The following C21orf91 variants were observed in gnomAD, a reference collection of about 807,000 sequenced individuals.
The protein encoded by C21orf91 is protein EURL homolog.
In C21orf91, 26 loss-of-function variants were observed where a neutral mutation model predicts 32.9. The observed-to-expected ratio is 0.79, with a 90% CI of 0.58 to 1.10. The LOEUF (loss-of-function observed/expected upper bound fraction) is 1.10. Ranked by LOEUF, C21orf91 falls within the 50% of genes least tolerant of loss-of-function variation. The pLI is 0.00. For synonymous variants in C21orf91, 126 were observed against 120.4 expected (o/e 1.05, Z -0.31); for missense variants, 310 against 341.3 (o/e 0.91, Z 0.72).
rs547937971 is a variant in C21orf91, at chr21:17,796,786, T to A, written c.460A>T (p.Ile154Phe). Residue 154 changes from isoleucine (I) to phenylalanine (F), a missense_variant, in exon 3 of 5, where the codon ATC (isoleucine) becomes TTC (phenylalanine). Physicochemically the swap from Ile to Phe is conservative, Grantham distance 21. Coordinates refer to ENST00000284881, the MANE Select transcript of C21orf91 (RefSeq NM_001100420.2). ...AKWIDGSAGG[I>F]SNCTQRILEQ... is the part of the protein sequence containing the mutation. ...AAAATTCTTTGTGTACAGTTAGAGA[T>A]GCCACCTGCACTTCCATCTATCCAT... The A allele has an allele frequency of 1.4e-5, 23 of 1,613,870 alleles. No homozygotes were observed. In the East Asian group the frequency reaches 5.1e-4, roughly 36 times the overall value.
chr21:17,805,848 C>A (rs1489891917), intron 2 of C21orf91, among the ~76,000 whole-genome samples: 1 of 152,104 alleles, frequency 6.6e-6, no homozygotes, highest in African/African-American at 2.4e-5. Flanking sequence ...AATTTTTCTG[C>A]ATAAAATTGT....
intron 4 of C21orf91, 141 bp downstream of exon 4, chr21:17,795,067 C>G: frequency 3.5e-6 from 2 of 576,080 alleles, no homozygotes; most frequent in Non-Finnish European, 6.3e-6. Context: ...CTTTCTTATT[C>G]TTTTTGCTCT....
Position 17,795,239 on chromosome 21 carries a change from T to C in C21orf91, c.696A>G (p.Gln232=). The C allele has an allele frequency of 6.2e-7, 1 of 1,611,722 alleles. No individual in the cohort carries two copies. Among genetic ancestry groups the C allele is most frequent in the Non-Finnish European group, 8.5e-7 (1 of 1,178,010 alleles). ...TTTGCTGTAGGAGCTTTGCATTCAG[T>C]TGCTCTACCTCACCAAGAGTCATCG... ...LNSMTLGEVE[Q]LNAKLLQQIQ... Residue 232 remains glutamine, a synonymous_variant, in exon 4 of 5, where the codon CAA becomes CAG. Coordinates refer to ENST00000284881, the MANE Select transcript of C21orf91 (RefSeq NM_001100420.2).
At position 17,793,484 on chromosome 21, in the gene C21orf91, GTTC is replaced by G; in HGVS notation, c.822_824del (p.Lys274del). 2 of 1,613,690 alleles carry G rather than the reference GTTC, an allele frequency of 1.2e-6. No homozygotes were observed. Among genetic ancestry groups the G allele is most frequent in the South Asian group, 2.2e-5 (2 of 91,028 alleles). On this transcript the variant is annotated inframe_deletion, in exon 5 of 5. Coordinates refer to ENST00000284881, the MANE Select transcript of C21orf91 (RefSeq NM_001100420.2). ...CTTGCAGACATGGTAACTTAGAACA[GTTC>G]TTCAGAAGCTGTTCGATGGCAACGT... is the stretch of plus-strand genomic sequence containing the variant.
chr21:17,805,770 G>A (rs2062590082), intron 2 of C21orf91, among the ~76,000 whole-genome samples: 1 of 152,160 alleles, frequency 6.6e-6, no homozygotes, highest in Non-Finnish European at 1.5e-5. Flanking sequence ...ATGGACCCAA[G>A]TAACCCTCTA....
Position 17,791,236 on chromosome 21 carries a change from ATAAAG to A in C21orf91, c.*2174_*2178del, listed in dbSNP as rs2062471506. The A allele has an allele frequency of 6.6e-6, 1 of 152,162 alleles. No homozygotes were observed. Among genetic ancestry groups the A allele is most frequent in the Non-Finnish European group, 1.5e-5 (1 of 67,974 alleles). 9.4% of individuals were successfully genotyped at this position (152,162 alleles called of 1,614,324 possible). ...TTTTTTTTACTAGGAACTCATCCAA[ATAAAG>A]TAGTGTGAGTACCAGCACCACAAAG... On this transcript the variant is annotated 3_prime_UTR_variant, in exon 5 of 5. Transcript: ENST00000284881.
At chr21:17,813,868 G>A (rs1028565050) in intron 2 of C21orf91, 27 of 152,276 alleles carry the variant, frequency 1.8e-4, no homozygotes, top group African/African-American at 6.5e-4. Context: ...GGTGTAAGGT[G>A]ATACACACCT....
chr21:17,812,259 A>G (rs901634037), intron 2 of C21orf91, among the ~76,000 whole-genome samples: 6 of 152,228 alleles, frequency 3.9e-5, no homozygotes, highest in African/African-American at 1.4e-4. Context: ...TATTACTACC[A>G]GAGCCATTTT....
intron 2 of C21orf91, among the ~76,000 whole-genome samples, chr21:17,808,283 G>A (rs755469930): frequency 3.9e-5 from 6 of 152,246 alleles, no homozygotes; most frequent in Admixed American, 6.5e-5. Flanking sequence ...GGGCTTCCAC[G>A]TGGTGTTAAC....
rs745697866 is a variant in C21orf91 at position 17,795,218 on chromosome 21, C to T, written c.717G>A (p.Gln239=). The change falls in exon 4 of 5, where the codon CAG becomes CAA. Residue 239 remains glutamine, a synonymous_variant. Transcript: ENST00000284881. ...GACAGTGATTCTTACCCTGGATTTG[C>T]TGTAGGAGCTTTGCATTCAGTTGCT... ...EVEQLNAKLL[Q]QIQEVFEELT... is the part of the protein sequence containing the mutation. 1 of 1,609,064 alleles carries T rather than the reference C, an allele frequency of 6.2e-7. No individual in the cohort carries two copies. The highest frequency in any genetic ancestry group is 1.7e-5 in the Admixed American group (1 of 59,998).
chr21:17,815,212 A>G (rs935487148), intron 2 of C21orf91, among the ~76,000 whole-genome samples: 2 of 152,170 alleles, frequency 1.3e-5, no homozygotes, highest in African/African-American at 2.4e-5. Context: ...AAAGTAGAAA[A>G]TATTATTATT....
intron 2 of C21orf91, among the ~76,000 whole-genome samples, chr21:17,801,999 T>C: frequency 6.6e-6 from 1 of 152,212 alleles, no homozygotes; most frequent in Non-Finnish European, 1.5e-5. Flanking sequence ...ATACTATTAT[T>C]CTGTACTTTG....
intron 2 of C21orf91, among the ~76,000 whole-genome samples, chr21:17,798,600 T>C (rs1216125435): frequency 6.6e-6 from 1 of 152,210 alleles, no homozygotes; most frequent in Non-Finnish European, 1.5e-5. Context: ...CTTTGCTCCT[T>C]GTACTGCAAT....
chr21:17,813,774 G>A (rs959525262), intron 2 of C21orf91: 1 of 152,208 alleles, frequency 6.6e-6, no homozygotes, highest in African/African-American at 2.4e-5. Flanking sequence ...TCATGTAGGT[G>A]TTCAAAAAGT....
intron 2 of C21orf91, among the ~76,000 whole-genome samples, chr21:17,813,682 T>C (rs1373186994): frequency 6.6e-6 from 1 of 152,242 alleles, no homozygotes; most frequent in African/African-American, 2.4e-5. Context: ...TTTGGAATAT[T>C]TGTATTATAC....
rs1226696813 is a variant in C21orf91, at chr21:17,796,842, A to C, written c.404T>G (p.Phe135Cys). ...HKPEEKLLPQFDSQVPKYSAK... is the reference protein window; with the variant it reads ...HKPEEKLLPQCDSQVPKYSAK... ...AGAATATTTTGGTACTTGGGAGTCAAACTGTGGGAGTAATTTTTCTTCTGG... is the reference window on the plus strand; with the variant it reads ...AGAATATTTTGGTACTTGGGAGTCACACTGTGGGAGTAATTTTTCTTCTGG... The change falls in exon 3 of 5, where the codon TTT becomes TGT. Residue 135 changes from phenylalanine (F) to cysteine (C), a missense_variant. By Grantham distance (205) the Phe-to-Cys change is radical. Transcript: ENST00000284881. 1.2e-6 allele frequency: 2 copies of C among 1,613,892 alleles called. No homozygotes were observed. The highest frequency in any genetic ancestry group is 1.7e-6 in the Non-Finnish European group (2 of 1,179,980).
In C21orf91 at chr21:17,796,511, A is replaced by T. The variant is rs77632878; in HGVS notation, c.664+71T>A. The T allele has an allele frequency of 2.3e-3, 2,646 of 1,155,730 alleles. 43 individuals are homozygous for T. The African/African-American group carries it at 0.036, about 16-fold the overall frequency. The allele number at this position is 1,155,730 out of a possible 1,614,324, so 71.6% of individuals were successfully genotyped here. A position where few individuals can be genotyped will look rare whatever the true frequency, so the allele number is the denominator to read the frequency against. On this transcript the variant is annotated intron_variant, in intron 3 of 4. Coordinates refer to ENST00000284881, the MANE Select transcript of C21orf91 (RefSeq NM_001100420.2). ...GATTCCACAGCAAAATTCTTGACCC[A>T]TTACACATCTATACAAATGTACAAA... is the stretch of plus-strand genomic sequence containing the variant.
At chr21:17,812,249 T>C (rs1489810474) in intron 2 of C21orf91, among the ~76,000 whole-genome samples, 2 of 152,150 alleles carry the variant, frequency 1.3e-5, no homozygotes, top group Admixed American at 1.3e-4. Context: ...TCAAATAAAG[T>C]ATTACTACCA....
rs1163915191 is a variant in C21orf91, at chr21:17,790,270, G to A, written c.*3145C>T. Reference sequence around the variant, plus strand: ...TCCAAAACAAAACAAAACCCAAACTGGGAAACATTAAAACACAAATAGATC... The same window carrying A: ...TCCAAAACAAAACAAAACCCAAACTAGGAAACATTAAAACACAAATAGATC... On this transcript the variant is annotated 3_prime_UTR_variant, in exon 5 of 5. Coordinates refer to ENST00000284881, the MANE Select transcript of C21orf91 (RefSeq NM_001100420.2). 2.0e-5 allele frequency: 3 copies of A among 151,590 alleles called. No homozygotes were observed. Among genetic ancestry groups the A allele is most frequent in the African/African-American group, 7.3e-5 (3 of 41,268 alleles). 9.4% of individuals were successfully genotyped at this position (151,590 alleles called of 1,614,324 possible).
Sources: gnomAD v4.1 joint callset for allele counts (sites outside exome capture counted in the v4.1 genomes callset) on GRCh38, gnomAD v4.1.1 for gene constraint, MANE v1.5 for transcripts, NCBI Gene and HGNC (gene_info 2026-07-23, HGNC 2026-07-21) for gene names.